Variants in RFX4 observed in about 807,000 individuals in gnomAD.
RFX4 encodes transcription factor RFX4.
RFX4 carries 10 observed loss-of-function variants against 95.0 expected under a neutral mutation model. The observed-to-expected ratio is 0.11, with a 90% CI of 0.06 to 0.18. RFX4 has a LOEUF of 0.18. Ranked by LOEUF, RFX4 falls within the 10% of genes least tolerant of loss-of-function variation. The probability of loss-of-function intolerance (pLI) is 1.00; values close to 1 mark genes in which losing one functional copy is unlikely to be tolerated. For synonymous variants in RFX4, 321 were observed against 340.7 expected (o/e 0.94, Z 0.64); for missense variants, 640 against 922.0 (o/e 0.69, Z 3.96).
At chr12:106,723,911 G>T (rs143083543) in intron 13 of RFX4, among the ~76,000 whole-genome samples, 1 of 152,136 alleles carries the variant, frequency 6.6e-6, no homozygotes, top group African/African-American at 2.4e-5. Flanking sequence ...AATTCAACCC[G>T]CAATTGTTCC....
At chr12:106,760,941 T>C (rs549382744) in intron 17 of RFX4, among the ~76,000 whole-genome samples, 3 of 152,238 alleles carry the variant, frequency 2.0e-5, no homozygotes, top group Admixed American at 2.0e-4. Context: ...CAAGATATTG[T>C]AGATTAGGAA....
chr12:106,736,968 C>T (rs1169704000), intron 15 of RFX4, among the ~76,000 whole-genome samples: 1 of 151,948 alleles, frequency 6.6e-6, no homozygotes, highest in Non-Finnish European at 1.5e-5. Flanking sequence ...CTCTCTTTCT[C>T]CTAATCACTT....
At chr12:106,650,135 C>A (rs1197962636) in intron 3 of RFX4, among the ~76,000 whole-genome samples, 1 of 152,100 alleles carries the variant, frequency 6.6e-6, no homozygotes, top group Non-Finnish European at 1.5e-5. Flanking sequence ...CACTCCCATG[C>A]TTTAAAAAAT....
chr12:106,714,071 A>AAAAAAAAAAAAC, intron 10 of RFX4, among the ~76,000 whole-genome samples: 1 of 148,650 alleles, frequency 6.7e-6, no homozygotes, highest in South Asian at 2.1e-4. Context: ...TCCATCTCAA[A>AAAAAAAAAAAAC]AAAAAAAAAA....
intron 11 of RFX4, among the ~76,000 whole-genome samples, chr12:106,717,625 C>T (rs2042319734): frequency 2.0e-5 from 3 of 152,234 alleles, no homozygotes; most frequent in African/African-American, 7.2e-5. Context: ...GTATTAGATG[C>T]TGGCCAAAGG....
chr12:106,603,209 A>G (rs1166877595), intron 1 of RFX4, among the ~76,000 whole-genome samples: 1 of 152,224 alleles, frequency 6.6e-6, no homozygotes, highest in Admixed American at 6.5e-5. Context: ...TGCCAGGTCA[A>G]TATGGGTTTG....
chr12:106,725,459 TA>T (rs2042476143), intron 13 of RFX4, among the ~76,000 whole-genome samples: 2 of 152,334 alleles, frequency 1.3e-5, no homozygotes, highest in South Asian at 4.1e-4. Flanking sequence ...TTTAAAAAGT[TA>T]AAAATAAGTT....
intron 1 of RFX4, among the ~76,000 whole-genome samples, chr12:106,603,128 G>A (rs2039746354): frequency 6.6e-6 from 1 of 152,146 alleles, no homozygotes; most frequent in Non-Finnish European, 1.5e-5. Flanking sequence ...AATCTAAGAG[G>A]TTGCTGTCAG....
intron 1 of RFX4, among the ~76,000 whole-genome samples, chr12:106,608,050 G>A (rs948420702): frequency 4.6e-5 from 7 of 152,046 alleles, no homozygotes; most frequent in East Asian, 1.9e-4. Context: ...AAAATTAGCC[G>A]AACTTGGTGG....
At chr12:106,608,132 T>A (rs1016256643) in intron 1 of RFX4, among the ~76,000 whole-genome samples, 10 of 152,090 alleles carry the variant, frequency 6.6e-5, no homozygotes, top group Admixed American at 6.6e-5. Flanking sequence ...GAGGTTGCAG[T>A]GAGCCGAGAT....
At chr12:106,590,850 G>A (rs1361185210) in intron 1 of RFX4, among the ~76,000 whole-genome samples, 1 of 152,132 alleles carries the variant, frequency 6.6e-6, no homozygotes, top group Non-Finnish European at 1.5e-5. Context: ...AGGAGGCTGA[G>A]ATGGGAGGAT....
intron 2 of RFX4, among the ~76,000 whole-genome samples, chr12:106,618,273 T>C (rs1015358855): frequency 3.9e-5 from 6 of 152,100 alleles, no homozygotes; most frequent in Admixed American, 6.5e-5. Context: ...AGTTGGTTAA[T>C]TATGTTATTT....
Position 106,583,175 on chromosome 12 carries a change from C to A in RFX4, c.-146C>A. On this transcript the variant is annotated 5_prime_UTR_variant, in exon 1 of 18. Coordinates refer to ENST00000392842, the MANE Select transcript of RFX4 (RefSeq NM_213594.3). ...CTTTTTCTTTTCTTTTCCTTTCCTC[C>A]TTTATCCTTGTGCCCCCTCACTTTC... 1 of 654,962 alleles carries A rather than the reference C, an allele frequency of 1.5e-6. No individual in the cohort carries two copies. Among genetic ancestry groups the A allele is most frequent in the South Asian group, 2.6e-5 (1 of 38,062 alleles). The allele number at this position is 654,962 out of a possible 1,614,324, so 40.6% of individuals were successfully genotyped here.
chr12:106,722,023 C>G (rs2042404811), intron 13 of RFX4, among the ~76,000 whole-genome samples: 1 of 152,192 alleles, frequency 6.6e-6, no homozygotes, highest in South Asian at 2.1e-4. Flanking sequence ...TTCTCTGAAC[C>G]TGCCTGCACC....
At chr12:106,690,375 A>G (rs2041754978) in intron 7 of RFX4, among the ~76,000 whole-genome samples, 1 of 152,220 alleles carries the variant, frequency 6.6e-6, no homozygotes, top group Non-Finnish European at 1.5e-5. Context: ...TTAAGAAAGA[A>G]AACTCCCTGC....
In RFX4 at chr12:106,583,177, T is replaced by G; in HGVS notation, c.-144T>G. ...TTTTCTTTTCTTTTCCTTTCCTCCT[T>G]TATCCTTGTGCCCCCTCACTTTCTG... On this transcript the variant is annotated 5_prime_UTR_variant, in exon 1 of 18. Transcript: ENST00000392842. 1 of 676,716 alleles carries G rather than the reference T, an allele frequency of 1.5e-6. No individual in the cohort carries two copies. Among genetic ancestry groups the G allele is most frequent in the Non-Finnish European group, 2.4e-6 (1 of 419,478 alleles). 41.9% of individuals were successfully genotyped at this position (676,716 alleles called of 1,614,324 possible). A position where few individuals can be genotyped will look rare whatever the true frequency, so the allele number is the denominator to read the frequency against.
chr12:106,676,106 A>G (rs1026456528), intron 4 of RFX4, among the ~76,000 whole-genome samples: 1 of 152,124 alleles, frequency 6.6e-6, no homozygotes, highest in Non-Finnish European at 1.5e-5. Context: ...TAGAGGGTAG[A>G]ACTTGGTCAC....
intron 6 of RFX4, among the ~76,000 whole-genome samples, chr12:106,687,551 A>G (rs2041685700): frequency 8.4e-6 from 1 of 119,734 alleles, no homozygotes; most frequent in Non-Finnish European, 1.6e-5. Context: ...CTCCATCTCA[A>G]AAAAAAAAAA....
At chr12:106,740,080 A>G (rs1320019970) in intron 15 of RFX4, among the ~76,000 whole-genome samples, 1 of 152,224 alleles carries the variant, frequency 6.6e-6, no homozygotes, top group Non-Finnish European at 1.5e-5. Flanking sequence ...AAAGTTAACT[A>G]TTAAACTCAT....
Sources: allele counts gnomAD v4.1 joint callset (sites outside exome capture counted in the v4.1 genomes callset), GRCh38; gene constraint gnomAD v4.1.1; transcripts MANE v1.5; gene names NCBI Gene and HGNC (gene_info 2026-07-23, HGNC 2026-07-21).